VIRMA: variants seen among roughly 807,000 people sequenced by gnomAD.
VIRMA encodes vir like m6A methyltransferase associated.
In VIRMA, 65 loss-of-function variants were observed where a neutral mutation model predicts 182.4. That is an observed-to-expected ratio of 0.36 (90% CI 0.29 to 0.44). VIRMA has a LOEUF of 0.44. VIRMA is among the 20% of genes least tolerant of loss of function. VIRMA has a pLI of 1.00. For synonymous variants in VIRMA, 709 were observed against 743.1 expected, an observed-to-expected ratio of 0.95 and a Z score of 0.75; for missense variants, 1,752 against 2,158.1, an observed-to-expected ratio of 0.81 and a Z score of 3.73.
chr8:94,535,373 A>C (rs558542238), intron 4 of VIRMA, among the ~76,000 whole-genome samples: 29 of 152,222 alleles, frequency 1.9e-4, no homozygotes, highest in Non-Finnish European at 4.0e-4. Flanking sequence ...AGGGACCAAA[A>C]GCACAAATGA....
chr8:94,506,375 T>C (rs1814154492), intron 16 of VIRMA, 125 bp downstream of exon 16: 3 of 618,574 alleles, frequency 4.8e-6, no homozygotes, highest in Non-Finnish European at 8.3e-6. Context: ...CACACAAAAT[T>C]TCTCCCACGA....
intron 1 of VIRMA, chr8:94,546,706 AC>A: frequency 3.0e-6 from 1 of 332,744 alleles, no homozygotes; most frequent in Non-Finnish European, 5.9e-6. Context: ...TTTATCCCTC[AC>A]CCCCGTCCCA....
At chr8:94,553,292 A>C in intron 1 of VIRMA, 93 bp downstream of exon 1, 40 of 1,213,156 alleles carry the variant, frequency 3.3e-5, no homozygotes, top group East Asian at 4.7e-5. Flanking sequence ...TAAAGAAGCA[A>C]TCTGCAGAAG....
At chr8:94,528,489 T>C (rs1815049958) in intron 7 of VIRMA, among the ~76,000 whole-genome samples, 1 of 152,204 alleles carries the variant, frequency 6.6e-6, no homozygotes, top group Non-Finnish European at 1.5e-5. Context: ...TGCTTTAACA[T>C]TAAATGCCAT....
Position 94,511,800 on chromosome 8 carries a change from A to C in VIRMA, c.2846-71T>G, listed in dbSNP as rs1279998845. 6.7e-6 allele frequency: 6 copies of C among 893,156 alleles called. No individual in the cohort carries two copies. The African/African-American group carries it at 1.0e-4, about 16-fold the overall frequency. 55.3% of individuals were successfully genotyped at this position (893,156 alleles called of 1,614,324 possible). On this transcript the variant is annotated intron_variant, in intron 12 of 23. Transcript: ENST00000297591. The stretch of plus-strand genomic sequence containing the variant: ...TTAATAACTGATTAAGAATTATTAA[A>C]GTGAATATTTAATATTTATGATAAT...
At chr8:94,497,028 A>G (rs945849307) in intron 17 of VIRMA, 3 of 152,320 alleles carry the variant, frequency 2.0e-5, no homozygotes, top group African/African-American at 4.8e-5. Flanking sequence ...TAAGAAAACC[A>G]TCCATATTGT....
rs377477033 is a variant in VIRMA at position 94,511,147 on chromosome 8, C to A, written c.3390+38G>T. On this transcript the variant is annotated intron_variant, in intron 13 of 23. Coordinates refer to ENST00000297591, the MANE Select transcript of VIRMA (RefSeq NM_015496.5). ...ACTGGCTTTTTAAAAAGTGTTACTG[C>A]AGTCATTTATAAGATGCATGTTATA... 3.8e-6 allele frequency: 6 copies of A among 1,590,016 alleles called. No homozygotes were observed. The African/African-American group carries it at 8.2e-5, about 22-fold the overall frequency.
intron 15 of VIRMA, among the ~76,000 whole-genome samples, chr8:94,508,099 AT>A (rs1259150824): frequency 2.0e-5 from 3 of 150,974 alleles, no homozygotes; most frequent in Non-Finnish European, 4.4e-5. Context: ...AGTAAACTGA[AT>A]TTTTTTTTGA....
At chr8:94,505,220 G>C (rs936288139) in intron 16 of VIRMA, among the ~76,000 whole-genome samples, 1 of 152,166 alleles carries the variant, frequency 6.6e-6, no homozygotes, top group African/African-American at 2.4e-5. Flanking sequence ...GATGCAGAAA[G>C]GAAGAGCCAG....
Position 94,511,742 on chromosome 8 carries a change from T to C in VIRMA, c.2846-13A>G. The C allele has an allele frequency of 2.5e-6, 4 of 1,583,124 alleles. No individual in the cohort carries two copies. The highest frequency in any genetic ancestry group is 2.6e-6 in the Non-Finnish European group (3 of 1,164,078). On this transcript the variant is annotated splice_polypyrimidine_tract_variant and intron_variant, in intron 12 of 23. Transcript: ENST00000297591. The stretch of plus-strand genomic sequence containing the variant: ...TCTTTCTGTTGACCTTTATATAGGA[T>C]AAGAAAAAGAAACAAAACTAATTAC...
intron 16 of VIRMA, among the ~76,000 whole-genome samples, chr8:94,505,467 T>C (rs1814122960): frequency 1.4e-5 from 2 of 147,816 alleles, no homozygotes; most frequent in South Asian, 2.2e-4. Flanking sequence ...CTGAGGTTTA[T>C]ATCATTTCTT....
Position 94,527,203 on chromosome 8 carries a change from T to C in VIRMA, c.1041A>G (p.Pro347=), listed in dbSNP as rs1329741823. 3 of 1,613,778 alleles carry C rather than the reference T, an allele frequency of 1.9e-6. No individual in the cohort carries two copies. Among genetic ancestry groups the C allele is most frequent in the Non-Finnish European group, 2.5e-6 (3 of 1,179,940 alleles). Residue 347 remains proline, a synonymous_variant, in exon 8 of 24, where the codon CCA becomes CCG. Coordinates refer to ENST00000297591, the MANE Select transcript of VIRMA (RefSeq NM_015496.5). ...TYDPYDRELV[P]LLYFSCPYKT... ...TGTATGGACAACTGAAGTATAAGAG[T>C]GGTACAAGCTCCCTGTCATATGGAT...
intron 16 of VIRMA, among the ~76,000 whole-genome samples, 184 bp downstream of exon 16, chr8:94,506,316 A>G (rs77241400): frequency 0.057 from 8,679 of 152,276 alleles, 286 homozygotes; most frequent in South Asian, 0.089. Flanking sequence ...TTAATCCAAA[A>G]GATTCTATTA....
intron 15 of VIRMA, among the ~76,000 whole-genome samples, chr8:94,508,293 C>T (rs577899951): frequency 6.6e-6 from 1 of 152,206 alleles, no homozygotes; most frequent in Admixed American, 6.5e-5. Context: ...ACCATATTGG[C>T]CAGGCTGGTC....
chr8:94,529,702 TG>T (rs1247188106), intron 6 of VIRMA, among the ~76,000 whole-genome samples: 1 of 151,954 alleles, frequency 6.6e-6, no homozygotes, highest in Non-Finnish European at 1.5e-5. Context: ...TGCAGTGGCA[TG>T]ATCTCGGCTC....
intron 10 of VIRMA, 89 bp downstream of exon 10, chr8:94,517,698 AT>A (rs1814606809): frequency 1.1e-6 from 1 of 878,484 alleles, no homozygotes; most frequent in African/African-American, 1.7e-5. Flanking sequence ...TAGGTATATT[AT>A]CGAAACATGA....
chr8:94,503,062 T>C (rs979883462), intron 16 of VIRMA, among the ~76,000 whole-genome samples: 1 of 151,954 alleles, frequency 6.6e-6, no homozygotes, highest in Admixed American at 6.6e-5. Context: ...CAACTCTTCC[T>C]TATGGAAGGA....
chr8:94,513,455 T>C (rs868404478), intron 11 of VIRMA, among the ~76,000 whole-genome samples: 1 of 148,784 alleles, frequency 6.7e-6, no homozygotes, highest in Non-Finnish European at 1.5e-5. Flanking sequence ...AGTTACTACC[T>C]CATTTTAGCT....
Position 94,499,450 on chromosome 8 carries a change from G to A in VIRMA, c.4154C>T (p.Thr1385Ile), listed in dbSNP as rs1234210461. ...LHSLLKRVVS[T>I]FSKDTGELAS... ...AAGCTCTCCTGTGTCCTTACTAAAT[G>A]TGCTGACCACTCGTTTCAGTAAACT... Residue 1385 changes from threonine (T) to isoleucine (I), a missense_variant, in exon 17 of 24, where the codon ACA becomes ATA. Transcript: ENST00000297591. 3 of 1,611,012 alleles carry A rather than the reference G, an allele frequency of 1.9e-6. No homozygotes were observed. The highest frequency in any genetic ancestry group is 2.2e-5 in the South Asian group (2 of 90,892).
Sources: gnomAD v4.1 joint callset for allele counts (sites outside exome capture counted in the v4.1 genomes callset) on GRCh38, gnomAD v4.1.1 for gene constraint, MANE v1.5 for transcripts, NCBI Gene and HGNC (gene_info 2026-07-23, HGNC 2026-07-21) for gene names.